PPFIBP2: variants seen among roughly 807,000 people sequenced by gnomAD.
The protein encoded by PPFIBP2 is liprin-beta-2.
PPFIBP2 carries 118 observed loss-of-function variants against 118.3 expected under a neutral mutation model. The ratio of observed to expected loss-of-function variants is 1.00; its 90% confidence interval spans 0.86 to 1.16. The LOEUF (loss-of-function observed/expected upper bound fraction) is 1.16, where lower values mean the gene tolerates loss of function less well. PPFIBP2 is among the 50% of genes most tolerant of loss of function. The probability of loss-of-function intolerance (pLI) is 0.00; values close to 1 mark genes in which losing one functional copy is unlikely to be tolerated. For missense variants in PPFIBP2, 1,195 were observed against 1,073.1 expected (o/e 1.11, Z -1.59); for synonymous variants, 414 against 397.4 (o/e 1.04, Z -0.50).
At chr11:7,529,477 G>A (rs960847541) in intron 1 of PPFIBP2, among the ~76,000 whole-genome samples, 1 of 152,100 alleles carries the variant, frequency 6.6e-6, no homozygotes, top group South Asian at 2.1e-4. Flanking sequence ...GAATAACCGG[G>A]AGGCCTTTCT....
chr11:7,561,486 A>C (rs11041454), intron 2 of PPFIBP2, among the ~76,000 whole-genome samples: 26,758 of 152,220 alleles, frequency 0.18, 2,414 homozygotes, highest in African/African-American at 0.21. Context: ...TCTTGTGCCT[A>C]TAAAATCTTC....
intron 4 of PPFIBP2, among the ~76,000 whole-genome samples, chr11:7,593,520 T>C (rs1859733558): frequency 6.6e-6 from 1 of 152,128 alleles, no homozygotes; most frequent in Non-Finnish European, 1.5e-5. Flanking sequence ...GTGCTAAGAA[T>C]GAACAAAATG....
chr11:7,641,871 G>A (rs1350770755), intron 16 of PPFIBP2: 3 of 522,674 alleles, frequency 5.7e-6, no homozygotes, highest in Non-Finnish European at 1.0e-5. Context: ...CACACACCCT[G>A]AACATAATCT....
chr11:7,592,704 C>A (rs993538726), intron 3 of PPFIBP2, among the ~76,000 whole-genome samples: 11 of 152,168 alleles, frequency 7.2e-5, no homozygotes, highest in Non-Finnish European at 1.3e-4. Flanking sequence ...TTAGGAGATA[C>A]CAAGATCTGT....
chr11:7,617,811 A>T (rs1590626837), intron 6 of PPFIBP2, among the ~76,000 whole-genome samples: 1 of 152,236 alleles, frequency 6.6e-6, no homozygotes, highest in East Asian at 1.9e-4. Context: ...TCATCATCTG[A>T]ATTTCCAGGA....
intron 2 of PPFIBP2, among the ~76,000 whole-genome samples, chr11:7,562,926 GTT>G (rs1181159130): frequency 1.8e-4 from 17 of 96,270 alleles, no homozygotes; most frequent in Admixed American, 4.7e-4. Flanking sequence ...AGAAATTAAA[GTT>G]TTATATATAT....
At chr11:7,620,878 A>T (rs2135614981) in intron 6 of PPFIBP2, 57 bp from the exon 7 acceptor site, 1 of 1,305,260 alleles carries the variant, frequency 7.7e-7, no homozygotes, top group East Asian at 2.3e-5. Flanking sequence ...CCAGGTTGGT[A>T]AATCAAGAGC....
chr11:7,599,797 ATTT>A (rs1200161212), intron 5 of PPFIBP2, among the ~76,000 whole-genome samples: 2,608 of 117,356 alleles, frequency 0.022, 99 homozygotes, highest in African/African-American at 0.08. Flanking sequence ...CGCCCGGCTA[ATTT>A]TTTTTTTTTT....
chr11:7,552,499 G>A (rs1354599023), intron 2 of PPFIBP2, among the ~76,000 whole-genome samples: 2 of 152,140 alleles, frequency 1.3e-5, no homozygotes, highest in African/African-American at 2.4e-5. Context: ...GATTTAATAC[G>A]TGGTCTTCTG....
chr11:7,525,415 G>T (rs1850136159), intron 1 of PPFIBP2, among the ~76,000 whole-genome samples: 1 of 151,598 alleles, frequency 6.6e-6, no homozygotes, highest in South Asian at 2.1e-4. Flanking sequence ...AAGCTTGAGA[G>T]AAATCATTTA....
In PPFIBP2 at chr11:7,653,259, A is replaced by G. The variant is rs147132206; in HGVS notation, c.*41A>G. 492 of 1,612,002 alleles carry G rather than the reference A, an allele frequency of 3.1e-4. 2 individuals carry two copies. The East Asian group carries it at 0.011, about 36-fold the overall frequency. On this transcript the variant is annotated 3_prime_UTR_variant, in exon 24 of 24. Coordinates refer to ENST00000299492, the MANE Select transcript of PPFIBP2 (RefSeq NM_003621.5). ...CCCTCTGTGCACCCTGAGAGCTCAC[A>G]GTAACACTGTGTGTGTCACCATATA...
In PPFIBP2 at chr11:7,651,799, G is replaced by A. The variant is rs201706133; in HGVS notation, c.2391G>A (p.Met797Ile). Reference protein sequence around the residue: ...PEAEQEKREKMASPAYTPLTT... With the variant: ...PEAEQEKREKIASPAYTPLTT... ...CTGAACAGGAGAAGCGAGAGAAAAT[G>A]GCCTCACCAGCTTACACACCACTGA... The change falls in exon 23 of 24, where the codon ATG (methionine) becomes ATA (isoleucine). Residue 797 changes from methionine (M) to isoleucine (I), a missense_variant. Met to Ile is a conservative substitution (Grantham distance 10, BLOSUM62 1). Coordinates refer to ENST00000299492, the MANE Select transcript of PPFIBP2 (RefSeq NM_003621.5). The A allele has an allele frequency of 6.8e-6, 11 of 1,613,718 alleles. No individual in the cohort carries two copies. Among genetic ancestry groups the A allele is most frequent in the African/African-American group, 4.0e-5 (3 of 74,898 alleles).
chr11:7,631,160 C>A, intron 11 of PPFIBP2, 132 bp downstream of exon 11: 2 of 683,774 alleles, frequency 2.9e-6, no homozygotes, highest in Admixed American at 4.4e-5. Flanking sequence ...AATATAGTGC[C>A]CCTCAGGCTG....
rs556705538 is a variant in PPFIBP2, at chr11:7,578,197, A to AGT, written c.279+12436_279+12437dup. ...GCCCTTTCTTTAGAGGATAAACCTG[A>AGT]GTGTGTGGTATGAGCAAGGAATGAA... On this transcript the variant is annotated intron_variant, in intron 3 of 23. Transcript: ENST00000299492. Among the ~76,000 whole-genome samples, 97 of 152,302 alleles carry AGT rather than the reference A, an allele frequency of 6.4e-4. 1 individual carries two copies. The highest frequency in any genetic ancestry group is 3.4e-3 in the Middle Eastern group (1 of 294).
At chr11:7,639,275 G>A (rs1851824295) in intron 14 of PPFIBP2, among the ~76,000 whole-genome samples, 2 of 152,158 alleles carry the variant, frequency 1.3e-5, no homozygotes, top group African/African-American at 2.4e-5. Flanking sequence ...ACCAGACTGA[G>A]CTCAGTTTCC....
chr11:7,522,213 T>C (rs1849818515), intron 1 of PPFIBP2, among the ~76,000 whole-genome samples: 2 of 152,100 alleles, frequency 1.3e-5, no homozygotes, highest in Admixed American at 6.5e-5. Context: ...CAAGTGACCA[T>C]GCCAAGAAAT....
chr11:7,564,774 C>A (rs1486122970), intron 2 of PPFIBP2, among the ~76,000 whole-genome samples: 1 of 152,164 alleles, frequency 6.6e-6, no homozygotes, highest in Non-Finnish European at 1.5e-5. Flanking sequence ...GTCTTTCTAG[C>A]CAGGTAACTG....
chr11:7,667,179 G>GT, the PPFIBP2 span: 4 of 152,198 alleles, frequency 2.6e-5, no homozygotes, highest in South Asian at 8.3e-4. Context: ...GTAATCAAGC[G>GT]TAGGCACAAT....
chr11:7,652,696 C>T lies in PPFIBP2; in HGVS notation c.2437-328C>T, dbSNP rs1057340427. 1.4e-4 allele frequency among the ~76,000 whole-genome samples: 21 copies of T among 152,314 alleles called. 1 individual carries two copies. In the South Asian group the frequency reaches 2.9e-3, roughly 21 times the overall value. ...GTGCTGAGGCAAGTTCTCTGTGCTT[C>T]GCCTCAAATGCAGACCTCAAGTACA... On this transcript the variant is annotated intron_variant, in intron 23 of 23. Coordinates refer to ENST00000299492, the MANE Select transcript of PPFIBP2 (RefSeq NM_003621.5).
Sources: gnomAD v4.1 joint callset for allele counts (sites outside exome capture counted in the v4.1 genomes callset) on GRCh38, gnomAD v4.1.1 for gene constraint, MANE v1.5 for transcripts, NCBI Gene and HGNC (gene_info 2026-07-23, HGNC 2026-07-21) for gene names.